Variants in FAM227B observed in about 807,000 individuals in gnomAD.
FAM227B encodes family with sequence similarity 227 member B.
A neutral mutation model predicts 73.8 loss-of-function variants in FAM227B; 88 were observed. That is an observed-to-expected ratio of 1.19 (90% CI 1.00 to 1.42). The LOEUF (loss-of-function observed/expected upper bound fraction) is 1.42. Ranked by LOEUF, FAM227B falls within the 40% of genes most tolerant of loss-of-function variation. The probability of loss-of-function intolerance (pLI) is 0.00; values close to 1 mark genes in which losing one functional copy is unlikely to be tolerated. For missense variants in FAM227B, 632 were observed against 590.9 expected (o/e 1.07, Z -0.72); for synonymous variants, 210 against 190.5 (o/e 1.10, Z -0.84).
chr15:49,353,700 T>G (rs2042602179), intron 13 of FAM227B: 1 of 151,634 alleles, frequency 6.6e-6, no homozygotes, highest in African/African-American at 2.4e-5. Flanking sequence ...GCCCAGAGTA[T>G]TTTAGAAGGA....
chr15:49,611,133 A>G, intron 3 of FAM227B, 82 bp downstream of exon 3: 1 of 820,586 alleles, frequency 1.2e-6, no homozygotes, highest in South Asian at 1.7e-5. Flanking sequence ...CTAGTCTTAA[A>G]GTTTATTCTA....
intron 3 of FAM227B, among the ~76,000 whole-genome samples, chr15:49,601,722 C>G (rs1007886968): frequency 3.3e-5 from 5 of 152,124 alleles, no homozygotes; most frequent in Non-Finnish European, 7.4e-5. Flanking sequence ...GCTATCAATA[C>G]TTGGTCTTAC....
chr15:49,396,665 G>A (rs926540523), intron 11 of FAM227B, among the ~76,000 whole-genome samples: 2 of 151,802 alleles, frequency 1.3e-5, no homozygotes, highest in Admixed American at 6.6e-5. Flanking sequence ...CGGGCAGACT[G>A]CCTCCTCAAG....
At chr15:49,417,412 C>T (rs774520216) in intron 11 of FAM227B, among the ~76,000 whole-genome samples, 25 of 151,976 alleles carry the variant, frequency 1.6e-4, no homozygotes, top group Middle Eastern at 3.4e-3. Context: ...TCATGCTACC[C>T]GACTTCAAAC....
Position 49,367,599 on chromosome 15 carries a change from T to C in FAM227B, c.1120A>G (p.Ser374Gly), listed in dbSNP as rs1350378381. Residue 374 changes from serine (S) to glycine (G), a missense_variant, in exon 13 of 16, where the codon AGT becomes GGT. By Grantham distance (56) the Ser-to-Gly change is moderately conservative (BLOSUM62 0). Coordinates refer to ENST00000299338, the MANE Select transcript of FAM227B (RefSeq NM_152647.3). The part of the protein sequence containing the change: ...LSRLATKSHY[S>G]STGPEFNRVL... ...CGATTAAACTCTGGACCAGTACTAC[T>C]ATAGTGCGACTGTAAGAGGAAGAAA... 1 of 1,570,074 alleles carries C rather than the reference T, an allele frequency of 6.4e-7. No individual in the cohort carries two copies. The highest frequency in any genetic ancestry group is 8.6e-7 in the Non-Finnish European group (1 of 1,167,886).
At chr15:49,611,094 T>C (rs1487352972) in intron 3 of FAM227B, 121 bp downstream of exon 3, 3 of 597,656 alleles carry the variant, frequency 5.0e-6, no homozygotes, top group Non-Finnish European at 9.0e-6. Flanking sequence ...TATACACACT[T>C]TCCTCATTGA....
intron 9 of FAM227B, among the ~76,000 whole-genome samples, chr15:49,549,965 ACCCCCCCACC>A (rs2072602341): frequency 2.2e-5 from 2 of 89,872 alleles, no homozygotes; most frequent in East Asian, 3.2e-4. Context: ...CGGGGGGCTG[ACCCCCCCACC>A]TCCCTCCCAG....
chr15:49,346,051 A>ATT (rs35105464), intron 13 of FAM227B, among the ~76,000 whole-genome samples: 74 of 145,536 alleles, frequency 5.1e-4, no homozygotes, highest in East Asian at 3.1e-3. Flanking sequence ...TGCTTTTGTT[A>ATT]TTTTTTTTTT....
chr15:49,532,318 T>G (rs1044958270), intron 10 of FAM227B, among the ~76,000 whole-genome samples: 2 of 151,714 alleles, frequency 1.3e-5, no homozygotes, highest in African/African-American at 4.8e-5. Context: ...GAGATATAAA[T>G]AAAGGTTTAC....
intron 5 of FAM227B, among the ~76,000 whole-genome samples, chr15:49,581,611 C>T (rs1354499653): frequency 6.6e-6 from 1 of 152,062 alleles, no homozygotes; most frequent in African/African-American, 2.4e-5. Context: ...GCCACCGTAC[C>T]CAGATGTATT....
In FAM227B at chr15:49,410,268, T is replaced by C. The variant is rs572716332; in HGVS notation, c.1013-38869A>G. On this transcript the variant is annotated intron_variant, in intron 11 of 15. Coordinates refer to ENST00000299338, the MANE Select transcript of FAM227B (RefSeq NM_152647.3). ...TATGTCACACAATTATTAAGAACAA[T>C]ATTTCAAATGCAGAATGTCTGATTG... Among the ~76,000 whole-genome samples, 9 of 152,288 alleles carry C rather than the reference T, an allele frequency of 5.9e-5. 1 individual carries two copies. The highest frequency in any genetic ancestry group is 2.2e-4 in the African/African-American group (9 of 41,574).
chr15:49,454,754 C>T (rs558841558), intron 11 of FAM227B, among the ~76,000 whole-genome samples: 63 of 152,212 alleles, frequency 4.1e-4, no homozygotes, highest in Non-Finnish European at 7.1e-4. Flanking sequence ...GGATTATAGG[C>T]GCGTGCCACC....
At chr15:49,588,547 C>CTATATATA (rs71120695) in intron 4 of FAM227B, among the ~76,000 whole-genome samples, 56 of 38,042 alleles carry the variant, frequency 1.5e-3, no homozygotes, top group Non-Finnish European at 2.2e-3. Context: ...ATATTGAGGA[C>CTATATATA]TATATATATA....
rs146455359 is a variant in FAM227B at position 49,539,957 on chromosome 15, T to C, written c.874+1723A>G. ...AAAGCTGAGGCCTAGAATGTGGGTA[T>C]GCAAAGAGTGTCTGTGGCTCTGGAG... On this transcript the variant is annotated intron_variant, in intron 10 of 15. Transcript: ENST00000299338. 8.2e-3 allele frequency among the ~76,000 whole-genome samples: 1,248 copies of C among 152,326 alleles called. 17 individuals are homozygous for C. The highest frequency in any genetic ancestry group is 0.048 in the Middle Eastern group (14 of 294).
intron 3 of FAM227B, among the ~76,000 whole-genome samples, chr15:49,605,155 C>T (rs1196083464): frequency 6.6e-6 from 1 of 152,078 alleles, no homozygotes; most frequent in East Asian, 1.9e-4. Context: ...GGGCTGGCTT[C>T]AGCACAAAAG....
intron 1 of FAM227B, 112 bp from the exon 2 acceptor site, chr15:49,615,355 CTG>C: frequency 1.6e-6 from 1 of 612,358 alleles, no homozygotes. Flanking sequence ...TAGTTTGGCT[CTG>C]TATCTCCACT....
chr15:49,396,181 T>C (rs2047595623), intron 11 of FAM227B: 2 of 352,102 alleles, frequency 5.7e-6, no homozygotes, highest in Admixed American at 3.8e-5. Context: ...TTGCCTCACT[T>C]GGGAAGCGCA....
At chr15:49,550,778 G>C (rs559187885) in intron 9 of FAM227B, among the ~76,000 whole-genome samples, 81 of 151,674 alleles carry the variant, frequency 5.3e-4, no homozygotes, top group African/African-American at 1.7e-3. Context: ...GCCGGGCAGA[G>C]ACACTCCTCA....
At chr15:49,428,853 A>T (rs976460942) in intron 11 of FAM227B, among the ~76,000 whole-genome samples, 1 of 152,018 alleles carries the variant, frequency 6.6e-6, no homozygotes, top group African/African-American at 2.4e-5. Flanking sequence ...CTGGCCAATG[A>T]TTTGGCAATA....
Sources: gnomAD v4.1 joint callset for allele counts (sites outside exome capture counted in the v4.1 genomes callset) on GRCh38, gnomAD v4.1.1 for gene constraint, MANE v1.5 for transcripts, NCBI Gene and HGNC (gene_info 2026-07-23, HGNC 2026-07-21) for gene names.